PTPRD: variants seen among roughly 807,000 people sequenced by gnomAD.
The protein encoded by PTPRD is protein tyrosine phosphatase receptor type D.
A neutral mutation model predicts 214.5 loss-of-function variants in PTPRD; 34 were observed. That is an observed-to-expected ratio of 0.16 (90% CI 0.12 to 0.21). The LOEUF is 0.21. Among genes scored for constraint, PTPRD ranks in the 10% least tolerant of loss-of-function variants. The probability of loss-of-function intolerance (pLI) is 1.00; values close to 1 mark genes in which losing one functional copy is unlikely to be tolerated. For missense variants in PTPRD, 2,545 were observed against 2,398.7 expected (o/e 1.06, Z -1.27); for synonymous variants, 1,128 against 845.7 (o/e 1.33, Z -5.79).
intron 3 of PTPRD, among the ~76,000 whole-genome samples, chr9:10,048,048 T>C (rs2097440123): frequency 6.6e-6 from 1 of 152,186 alleles, no homozygotes; most frequent in Admixed American, 6.5e-5. Flanking sequence ...GTATGCTAGC[T>C]CTGCTCTTGA....
Position 9,239,151 on chromosome 9 carries a change from A to G in PTPRD, c.-202-55788T>C, listed in dbSNP as rs774799383. On this transcript the variant is annotated intron_variant, in intron 9 of 45. Transcript: ENST00000381196. ...ATGCTTATCTTTTATCTTCACTAGA[A>G]CTATAGATACCTTTTGGAAATACAA... Among the ~76,000 whole-genome samples the G allele has an allele frequency of 3.1e-4, 47 of 151,964 alleles. 1 individual carries two copies. The highest frequency in any genetic ancestry group is 6.0e-4 in the Non-Finnish European group (41 of 68,010).
intron 3 of PTPRD, among the ~76,000 whole-genome samples, chr9:10,037,909 A>G (rs1185030163): frequency 6.6e-6 from 1 of 152,092 alleles, no homozygotes; most frequent in African/African-American, 2.4e-5. Context: ...TCTTCATTTT[A>G]TTTTCAGTAA....
intron 37 of PTPRD, among the ~76,000 whole-genome samples, chr9:8,380,754 G>C (rs2084797989): frequency 6.6e-6 from 1 of 152,002 alleles, no homozygotes; most frequent in Non-Finnish European, 1.5e-5. Context: ...ACATGCTTTG[G>C]GAGAAGGGCT....
intron 8 of PTPRD, among the ~76,000 whole-genome samples, chr9:9,459,745 A>G (rs1271402918): frequency 6.6e-6 from 1 of 152,158 alleles, no homozygotes; most frequent in Non-Finnish European, 1.5e-5. Flanking sequence ...GGAATAATCA[A>G]TATCATTAAA....
intron 17 of PTPRD, chr9:8,525,246 C>T (rs1183830724): frequency 2.9e-6 from 2 of 682,566 alleles, no homozygotes; most frequent in Non-Finnish European, 5.3e-6. Flanking sequence ...TCAATGCTAG[C>T]ATTAGAAATC....
chr9:9,164,988 G>C (rs754111175), intron 10 of PTPRD, among the ~76,000 whole-genome samples: 19 of 149,930 alleles, frequency 1.3e-4, no homozygotes, highest in Non-Finnish European at 2.4e-4. Flanking sequence ...AGAGGCAGAG[G>C]TTGCAGTGAG....
At chr9:9,277,151 CTAT>C (rs1268304952) in intron 9 of PTPRD, among the ~76,000 whole-genome samples, 3 of 151,260 alleles carry the variant, frequency 2.0e-5, no homozygotes, top group African/African-American at 7.3e-5. Context: ...TTATTTGTAC[CTAT>C]AACAATGCCA....
At position 9,969,740 on chromosome 9, in the gene PTPRD, G is replaced by A. The variant is rs115781727; in HGVS notation, c.-471-31130C>T. Among the ~76,000 whole-genome samples the A allele has an allele frequency of 8.1e-3, 1,229 of 152,310 alleles. 12 individuals are homozygous for A. Among genetic ancestry groups the A allele is most frequent in the African/African-American group, 0.027 (1,140 of 41,562 alleles). Reference sequence around the variant, plus strand: ...GAAATAATTCCTACAGTCATTTTAAGTGGCAATGCCCATCAAATCTGTAAT... The same window carrying A: ...GAAATAATTCCTACAGTCATTTTAAATGGCAATGCCCATCAAATCTGTAAT... On this transcript the variant is annotated intron_variant, in intron 4 of 45. Coordinates refer to ENST00000381196, the MANE Select transcript of PTPRD (RefSeq NM_002839.4).
At chr9:9,973,407 G>C (rs192948859) in intron 4 of PTPRD, among the ~76,000 whole-genome samples, 1 of 151,962 alleles carries the variant, frequency 6.6e-6, no homozygotes, top group East Asian at 1.9e-4. Context: ...GGAGACAAGA[G>C]TTTTCAGTGA....
At chr9:9,469,728 A>G (rs1056010391) in intron 8 of PTPRD, among the ~76,000 whole-genome samples, 4 of 152,158 alleles carry the variant, frequency 2.6e-5, no homozygotes, top group Admixed American at 6.5e-5. Flanking sequence ...TGAAGTTTTT[A>G]AAATGCCTGA....
rs143493169 is a variant in PTPRD at position 8,330,271 on chromosome 9, A to G, written c.5534+1311T>C. 2.2e-3 allele frequency among the ~76,000 whole-genome samples: 335 copies of G among 152,274 alleles called. 1 individual carries two copies. The highest frequency in any genetic ancestry group is 7.7e-3 in the African/African-American group (318 of 41,562). The stretch of plus-strand genomic sequence containing the variant: ...CAGAAATCCCCTGCCTTCTGTGTCA[A>G]TCTCACTGGGAACAGCAGACCAGAG... On this transcript the variant is annotated intron_variant, in intron 44 of 45. Coordinates refer to ENST00000381196, the MANE Select transcript of PTPRD (RefSeq NM_002839.4).
intron 3 of PTPRD, among the ~76,000 whole-genome samples, chr9:10,308,716 A>G (rs10756023): frequency 0.24 from 35,981 of 151,832 alleles, 4,621 homozygotes; most frequent in African/African-American, 0.35. Context: ...TTCATTTGTA[A>G]TCTTTCCAAT....
chr9:10,501,048 T>G (rs2043528235), intron 2 of PTPRD, among the ~76,000 whole-genome samples: 1 of 152,040 alleles, frequency 6.6e-6, no homozygotes, highest in South Asian at 2.1e-4. Context: ...ATTTGGGGTA[T>G]ATGCCCAGCA....
At chr9:9,108,969 A>G (rs73641217) in intron 10 of PTPRD, among the ~76,000 whole-genome samples, 6,245 of 152,162 alleles carry the variant, frequency 0.041, 218 homozygotes, top group African/African-American at 0.096. Flanking sequence ...ACTGAACCCA[A>G]TTTCCCTCTC....
At chr9:9,297,118 T>C (rs1051791094) in intron 9 of PTPRD, among the ~76,000 whole-genome samples, 1 of 151,632 alleles carries the variant, frequency 6.6e-6, no homozygotes, top group Non-Finnish European at 1.5e-5. Flanking sequence ...TGGATGAGAG[T>C]CAGGGGCCAC....
intron 3 of PTPRD, among the ~76,000 whole-genome samples, chr9:10,131,948 T>G (rs1189736086): frequency 6.6e-6 from 1 of 152,106 alleles, no homozygotes. Context: ...TTAGAGGTGA[T>G]GAGGAAAAAG....
At chr9:9,692,514 G>T (rs1318803122) in intron 7 of PTPRD, among the ~76,000 whole-genome samples, 1 of 151,982 alleles carries the variant, frequency 6.6e-6, no homozygotes, top group African/African-American at 2.4e-5. Context: ...GTACTATGCT[G>T]TTTTGGTTGC....
At chr9:9,178,471 T>C (rs1298135576) in intron 10 of PTPRD, among the ~76,000 whole-genome samples, 1 of 152,102 alleles carries the variant, frequency 6.6e-6, no homozygotes, top group Non-Finnish European at 1.5e-5. Context: ...ATATCTTTTA[T>C]TATCTTGGGC....
chr9:9,203,553 G>A (rs981969882), intron 9 of PTPRD, among the ~76,000 whole-genome samples: 1 of 151,896 alleles, frequency 6.6e-6, no homozygotes, highest in Non-Finnish European at 1.5e-5. Flanking sequence ...TCTTCTATCA[G>A]TCCCACTGTT....
Sources: gnomAD v4.1 joint callset for allele counts (sites outside exome capture counted in the v4.1 genomes callset) on GRCh38, gnomAD v4.1.1 for gene constraint, MANE v1.5 for transcripts, NCBI Gene and HGNC (gene_info 2026-07-23, HGNC 2026-07-21) for gene names.